Variants in SH3BP4 observed in about 807,000 individuals in gnomAD.
SH3BP4 encodes SH3 domain-binding protein 4.
Under a neutral mutation model 65.5 loss-of-function variants are expected in SH3BP4, and 33 were observed. The observed-to-expected ratio is 0.50, with a 90% CI of 0.38 to 0.67. SH3BP4 has a LOEUF of 0.67. Among genes scored for constraint, SH3BP4 ranks in the 30% least tolerant of loss-of-function variants. The pLI, the probability that SH3BP4 is intolerant of heterozygous loss-of-function variation, is 0.00. For missense variants in SH3BP4, 1,134 were observed against 1,261.4 expected, an observed-to-expected ratio of 0.90 and a Z score of 1.53; for synonymous variants, 552 against 545.5, an observed-to-expected ratio of 1.01 and a Z score of -0.17.
At chr2:234,989,707 A>T (rs370314396) in intron 1 of SH3BP4, among the ~76,000 whole-genome samples, 30 of 152,308 alleles carry the variant, frequency 2.0e-4, no homozygotes, top group African/African-American at 7.0e-4. Flanking sequence ...GGACACTGCG[A>T]CTTAAATTTC....
At chr2:234,971,695 G>T (rs1448211408) in intron 1 of SH3BP4, among the ~76,000 whole-genome samples, 1 of 152,222 alleles carries the variant, frequency 6.6e-6, no homozygotes, top group African/African-American at 2.4e-5. Context: ...CAGCAGGTGT[G>T]TGGTGGTCTC....
chr2:234,958,485 C>T (rs574725102), intron 1 of SH3BP4, among the ~76,000 whole-genome samples: 1 of 151,862 alleles, frequency 6.6e-6, no homozygotes, highest in Non-Finnish European at 1.5e-5. Context: ...TGAGAGAGGG[C>T]GGTCCTGGGC....
At chr2:235,040,643 A>G (rs1695602327) in intron 3 of SH3BP4, among the ~76,000 whole-genome samples, 1 of 151,784 alleles carries the variant, frequency 6.6e-6, no homozygotes, top group Admixed American at 6.6e-5. Flanking sequence ...TGAGTGATGG[A>G]GAGGCTCCTC....
intron 2 of SH3BP4, among the ~76,000 whole-genome samples, chr2:235,006,063 C>T (rs1462330543): frequency 5.3e-5 from 8 of 152,252 alleles, no homozygotes; most frequent in Admixed American, 2.0e-4. Context: ...GGGCAGGAGC[C>T]GCCTGTCCTG....
chr2:234,983,644 G>A (rs1414016777), intron 1 of SH3BP4, among the ~76,000 whole-genome samples: 1 of 152,226 alleles, frequency 6.6e-6, no homozygotes, highest in Non-Finnish European at 1.5e-5. Context: ...TTGAGATGGT[G>A]AGATACCCTG....
intron 1 of SH3BP4, among the ~76,000 whole-genome samples, chr2:234,968,881 G>A (rs1222292333): frequency 1.3e-5 from 2 of 152,094 alleles, no homozygotes; most frequent in Non-Finnish European, 2.9e-5. Context: ...TTTCATTGTG[G>A]TTTTATTTTA....
chr2:234,967,318 G>C lies in SH3BP4; in HGVS notation c.-207+15148G>C, dbSNP rs938026915. 9.2e-5 allele frequency among the ~76,000 whole-genome samples: 14 copies of C among 152,194 alleles called. No individual in the cohort carries two copies. Among genetic ancestry groups the C allele is most frequent in the Non-Finnish European group, 1.5e-4 (10 of 68,028 alleles). ...TGTGGGAGGTAGGGAACCTGAGGTC[G>C]CAGATGACGTGTGAGGGTGGGCGGG... is the stretch of plus-strand genomic sequence containing the variant. On this transcript the variant is annotated intron_variant, in intron 1 of 5. Coordinates refer to ENST00000392011, the MANE Select transcript of SH3BP4 (RefSeq NM_014521.3). This position sits in a 1 kb window ranked among gnomAD's most constrained non-coding sequence, Gnocchi z 4.6.
rs1157405917 is a variant in SH3BP4, at chr2:234,976,505, T to C, written c.-206-18798T>C. Among the ~76,000 whole-genome samples the C allele has an allele frequency of 6.6e-6, 1 of 152,126 alleles. No homozygotes were observed. The highest frequency in any genetic ancestry group is 1.5e-5 in the Non-Finnish European group (1 of 68,038). ...CCTGCAGTTAAGCAGGGCTACCGTCTCTCGGCCCGGGGCTTCTTGTTTCAT... is the reference window on the plus strand; with the variant it reads ...CCTGCAGTTAAGCAGGGCTACCGTCCCTCGGCCCGGGGCTTCTTGTTTCAT... On this transcript the variant is annotated intron_variant, in intron 1 of 5. Transcript: ENST00000392011. The surrounding 1 kb of genome is among the most constrained non-coding windows in gnomAD (Gnocchi z 4.7).
chr2:235,026,809 C>G lies in SH3BP4; in HGVS notation c.-132-8062C>G, dbSNP rs948261243. ...AACTCAGTTGTTTAGGGAAATGCAC[C>G]CAGAGGGGCACTGTGAGTGAGTCTG... On this transcript the variant is annotated intron_variant, in intron 2 of 5. Transcript: ENST00000392011. This position sits in a 1 kb window ranked among gnomAD's most constrained non-coding sequence, Gnocchi z 4.6. Among the ~76,000 whole-genome samples, 1 of 152,076 alleles carries G rather than the reference C, an allele frequency of 6.6e-6. No individual in the cohort carries two copies. The highest frequency in any genetic ancestry group is 1.5e-5 in the Non-Finnish European group (1 of 68,018).
intron 1 of SH3BP4, among the ~76,000 whole-genome samples, chr2:234,994,329 G>A (rs1443813889): frequency 6.6e-6 from 1 of 152,194 alleles, no homozygotes; most frequent in African/African-American, 2.4e-5. Context: ...TTACATGGAT[G>A]GAGGTCTGTT....
In SH3BP4 at chr2:234,998,152, G is replaced by A. The variant is rs117132183; in HGVS notation, c.-133+2776G>A. Among the ~76,000 whole-genome samples, 379 of 152,074 alleles carry A rather than the reference G, an allele frequency of 2.5e-3. 2 individuals are homozygous for A. The highest frequency in any genetic ancestry group is 0.019 in the East Asian group (97 of 5,154). On this transcript the variant is annotated intron_variant, in intron 2 of 5. Transcript: ENST00000392011. ...AAAAAATAAAAAATAAAAAAGTCTC[G>A]GAGCCCAGCCTGCAGACCGGCTGCA... is the stretch of plus-strand genomic sequence containing the variant.
At chr2:234,953,280 C>A (rs577052254) in intron 1 of SH3BP4, 1 of 152,346 alleles carries the variant, frequency 6.6e-6, no homozygotes, top group Non-Finnish European at 1.5e-5. Context: ...TCCCCAATCC[C>A]ACATTTTTTA....
chr2:235,038,339 GTATATATATTTTA>G lies in SH3BP4; in HGVS notation c.119-2539_119-2527del, dbSNP rs1695490317. Among the ~76,000 whole-genome samples the G allele has an allele frequency of 3.4e-3, 41 of 12,136 alleles. 7 individuals are homozygous for G. Among genetic ancestry groups the G allele is most frequent in the African/African-American group, 6.5e-3 (38 of 5,846 alleles). 8.0% of individuals were successfully genotyped at this position (12,136 alleles called of 152,430 possible). ...ATATATTATATATATATTATATATA[GTATATATATTTTA>G]TATATATATATATAATATATATACA... On this transcript the variant is annotated intron_variant, in intron 3 of 5. Transcript: ENST00000392011.
In SH3BP4 at chr2:235,052,836, G is replaced by C. The variant is rs73126167; in HGVS notation, c.2667+86G>C. On this transcript the variant is annotated intron_variant, in intron 5 of 5. Transcript: ENST00000392011. This position sits in a 1 kb window ranked among gnomAD's most constrained non-coding sequence, Gnocchi z 5.0. ...ATGCAGTGCAGCCATAAAAAGTCTT[G>C]CCTCGCGGCATTTCTGTGAGGGTGC... 96 of 1,311,094 alleles carry C rather than the reference G, an allele frequency of 7.3e-5. No homozygotes were observed. In the African/African-American group the frequency reaches 1.4e-3, roughly 19 times the overall value. 81.2% of individuals were successfully genotyped at this position (1,311,094 alleles called of 1,614,324 possible).
At chr2:235,003,570 G>A (rs1388138539) in intron 2 of SH3BP4, among the ~76,000 whole-genome samples, 2 of 152,230 alleles carry the variant, frequency 1.3e-5, no homozygotes, top group East Asian at 3.8e-4. Context: ...CTGGTCTGAG[G>A]GGTGGAGGGG....
Position 235,052,555 on chromosome 2 carries a change from T to C in SH3BP4, c.2479-7T>C. The stretch of plus-strand genomic sequence containing the variant: ...CTGTCTCACGCTGTGTGCCTCTTCC[T>C]CTGCAGGCCCTACTGAAGATGGACT... On this transcript the variant is annotated splice_region_variant and splice_polypyrimidine_tract_variant and intron_variant, in intron 4 of 5. Coordinates refer to ENST00000392011, the MANE Select transcript of SH3BP4 (RefSeq NM_014521.3). The surrounding 1 kb of genome is among the most constrained non-coding windows in gnomAD (Gnocchi z 5.0). The C allele has an allele frequency of 6.5e-7, 1 of 1,539,512 alleles. No homozygotes were observed. The highest frequency in any genetic ancestry group is 8.8e-7 in the Non-Finnish European group (1 of 1,139,268).
rs79370617 is a variant in SH3BP4 at position 235,034,211 on chromosome 2, C to T, written c.-132-660C>T. On this transcript the variant is annotated intron_variant, in intron 2 of 5. Coordinates refer to ENST00000392011, the MANE Select transcript of SH3BP4 (RefSeq NM_014521.3). This position sits in a 1 kb window ranked among gnomAD's most constrained non-coding sequence, Gnocchi z 6.2. ...GGGGTGATTCTTGTGGTCTCTTCCACGGAAAGATCTTTCCTGCTTAGTAAC... is the reference window on the plus strand; with the variant it reads ...GGGGTGATTCTTGTGGTCTCTTCCATGGAAAGATCTTTCCTGCTTAGTAAC... Among the ~76,000 whole-genome samples the T allele has an allele frequency of 7.5e-3, 1,142 of 152,274 alleles. 13 individuals carry two copies. The highest frequency in any genetic ancestry group is 0.025 in the African/African-American group (1,049 of 41,552).
At position 235,035,200 on chromosome 2, in the gene SH3BP4, T is replaced by A; in HGVS notation, c.118+80T>A. 1 of 1,006,252 alleles carries A rather than the reference T, an allele frequency of 9.9e-7. No individual in the cohort carries two copies. Among genetic ancestry groups the A allele is most frequent in the Non-Finnish European group, 1.6e-6 (1 of 631,998 alleles). 62.3% of individuals were successfully genotyped at this position (1,006,252 alleles called of 1,614,324 possible). A position where few individuals can be genotyped will look rare whatever the true frequency, so the allele number is the denominator to read the frequency against. ...TTGGGATCCAAGAACTTTTCTGCTT[T>A]AAAGATTGCCAGTTTAGCATTCAGA... On this transcript the variant is annotated intron_variant, in intron 3 of 5. Transcript: ENST00000392011. The surrounding 1 kb of genome is among the most constrained non-coding windows in gnomAD (Gnocchi z 5.0).
chr2:234,972,117 T>G (rs1693018035), intron 1 of SH3BP4, among the ~76,000 whole-genome samples: 1 of 147,514 alleles, frequency 6.8e-6, no homozygotes, highest in South Asian at 2.1e-4. Context: ...GCCCGGCCTT[T>G]TTTTTTTTTG....
Sources: gnomAD v4.1 joint callset for allele counts (sites outside exome capture counted in the v4.1 genomes callset) on GRCh38, gnomAD v4.1.1 for gene constraint, Gnocchi (gnomAD v3.1) non-coding constraint, MANE v1.5 for transcripts, NCBI Gene and HGNC (gene_info 2026-07-23, HGNC 2026-07-21) for gene names.